XPO6: variants seen among roughly 807,000 people sequenced by gnomAD.
The protein encoded by XPO6 is exportin-6.
In XPO6, 3 loss-of-function variants were observed where a neutral mutation model predicts 130.0. The observed-to-expected ratio is 0.02, with a 90% CI of 0.01 to 0.06. The LOEUF (loss-of-function observed/expected upper bound fraction) is 0.06, where lower values mean the gene tolerates loss of function less well. Ranked by LOEUF, XPO6 falls within the 10% of genes least tolerant of loss-of-function variation. The probability of loss-of-function intolerance (pLI) is 1.00; values close to 1 mark genes in which losing one functional copy is unlikely to be tolerated. For missense variants in XPO6, 970 were observed against 1,393.0 expected (o/e 0.70, Z 4.83); for synonymous variants, 524 against 548.9 (o/e 0.95, Z 0.63).
At chr16:28,154,045 G>A (rs1056385239) in intron 7 of XPO6, 17 of 985,058 alleles carry the variant, frequency 1.7e-5, no homozygotes, top group Non-Finnish European at 2.0e-5. Context: ...CCAAGTACTC[G>A]AAAAACAGTA....
At chr16:28,194,429 C>T (rs1191730598) in intron 1 of XPO6, among the ~76,000 whole-genome samples, 2 of 152,094 alleles carry the variant, frequency 1.3e-5, no homozygotes, top group Non-Finnish European at 2.9e-5. Context: ...TGGGACTAGA[C>T]TCATGATTCT....
chr16:28,167,089 G>T, intron 5 of XPO6: 7 of 961,136 alleles, frequency 7.3e-6, no homozygotes, highest in Non-Finnish European at 8.7e-6. Flanking sequence ...CACTCTCACT[G>T]CTAGAGTGAC....
At chr16:28,181,291 G>A (rs921490151) in intron 1 of XPO6, among the ~76,000 whole-genome samples, 4 of 152,098 alleles carry the variant, frequency 2.6e-5, no homozygotes, top group African/African-American at 7.2e-5. Flanking sequence ...TAAGAAAAGG[G>A]GAAATTCAAA....
intron 14 of XPO6, among the ~76,000 whole-genome samples, chr16:28,120,985 T>G (rs1373142251): frequency 6.6e-6 from 1 of 152,272 alleles, no homozygotes; most frequent in Admixed American, 6.5e-5. Flanking sequence ...AGGCCATAGT[T>G]TGCCAACCCC....
At chr16:28,188,793 A>T (rs1398904374) in intron 1 of XPO6, among the ~76,000 whole-genome samples, 1 of 151,974 alleles carries the variant, frequency 6.6e-6, no homozygotes, top group Non-Finnish European at 1.5e-5. Flanking sequence ...AGGGCGAGTG[A>T]CATCTACCTA....
chr16:28,200,789 A>G (rs2043941966), intron 1 of XPO6, among the ~76,000 whole-genome samples: 1 of 152,182 alleles, frequency 6.6e-6, no homozygotes, highest in South Asian at 2.1e-4. Flanking sequence ...CCTGGGCCTC[A>G]GCGTCCTTAT....
At chr16:28,163,064 C>A (rs1421512564) in intron 6 of XPO6, among the ~76,000 whole-genome samples, 1 of 152,086 alleles carries the variant, frequency 6.6e-6, no homozygotes, top group East Asian at 1.9e-4. Context: ...TCTCCAGTCG[C>A]GTTAACCTAA....
intron 12 of XPO6, among the ~76,000 whole-genome samples, chr16:28,130,738 T>C (rs2042652737): frequency 6.6e-6 from 1 of 152,202 alleles, no homozygotes; most frequent in South Asian, 2.1e-4. Context: ...GTATGCGGTA[T>C]TTCCTATAGG....
intron 1 of XPO6, among the ~76,000 whole-genome samples, chr16:28,189,257 TAAAAAA>T (rs34353034): frequency 7.4e-6 from 1 of 134,602 alleles, no homozygotes; most frequent in African/African-American, 2.8e-5. Context: ...ACACTTCCTT[TAAAAAA>T]AAAAAAAAAA....
chr16:28,180,816 G>GA (rs1462701341), intron 2 of XPO6, 125 bp downstream of exon 2: 2 of 694,396 alleles, frequency 2.9e-6, no homozygotes, highest in East Asian at 6.2e-5. Context: ...GAACCAGAGC[G>GA]AAAAGAGCAA....
At chr16:28,184,627 CAA>C (rs2043666391) in intron 1 of XPO6, among the ~76,000 whole-genome samples, 1 of 150,712 alleles carries the variant, frequency 6.6e-6, no homozygotes, top group South Asian at 2.1e-4. Context: ...CAAAGGACTT[CAA>C]TTTTTTTGGA....
intron 8 of XPO6, 129 bp from the exon 9 acceptor site, chr16:28,146,332 A>C: frequency 2.7e-6 from 2 of 740,612 alleles, no homozygotes; most frequent in Admixed American, 2.6e-5. Context: ...GTTTCCTGGT[A>C]ACCAAAACTG....
chr16:28,198,404 A>T (rs4368163), intron 1 of XPO6, among the ~76,000 whole-genome samples: 38,671 of 151,954 alleles, frequency 0.25, 5,099 homozygotes, highest in Middle Eastern at 0.32. Flanking sequence ...AACTAAGCAA[A>T]ATCAAGAAGT....
Position 28,101,198 on chromosome 16 carries a change from G to A in XPO6, c.3276+260C>T, listed in dbSNP as rs2086648059. The A allele has an allele frequency of 7.2e-6, 4 of 554,914 alleles. No homozygotes were observed. In the Admixed American group the frequency reaches 1.2e-4, roughly 16 times the overall value. The allele number at this position is 554,914 out of a possible 1,614,324, so 34.4% of individuals were successfully genotyped here. A position where few individuals can be genotyped will look rare whatever the true frequency, so the allele number is the denominator to read the frequency against. ...CAAAGATGCCAAGACAAATGGAGGG[G>A]CTGCAGAGCCAGGAACTCGGGACCT... On this transcript the variant is annotated intron_variant, in intron 23 of 23. Transcript: ENST00000304658. The surrounding 1 kb of genome is among the most constrained non-coding windows in gnomAD (Gnocchi z 5.4).
intron 1 of XPO6, among the ~76,000 whole-genome samples, chr16:28,189,287 G>T (rs2043747799): frequency 6.8e-6 from 1 of 146,952 alleles, no homozygotes. Context: ...ACAGCATATT[G>T]AAGTGGAAAT....
chr16:28,121,673 T>C lies in XPO6; in HGVS notation c.1856A>G (p.Asp619Gly), dbSNP rs2087244059. Residue 619 changes from aspartate (D) to glycine (G), a missense_variant, in exon 14 of 24, where the codon GAT (aspartate) becomes GGT (glycine). Around this residue, in one of 4 missense-constraint regions of XPO6, gnomAD observed 936 missense variants for 1,306.8 expected, o/e 0.72. Coordinates refer to ENST00000304658, the MANE Select transcript of XPO6 (RefSeq NM_015171.4). The stretch of plus-strand genomic sequence containing the variant: ...AAACATCAAACTCTAGACTTACACA[T>C]CAATGAGGTCAGGTTTCAATACTGA... ...VPSVLKPDLIDVHAQSLAALQ... is the reference protein window; with the variant it reads ...VPSVLKPDLIGVHAQSLAALQ... 1 of 1,606,024 alleles carries C rather than the reference T, an allele frequency of 6.2e-7. No individual in the cohort carries two copies. Among genetic ancestry groups the C allele is most frequent in the Non-Finnish European group, 8.5e-7 (1 of 1,172,814 alleles).
At chr16:28,134,047 G>T in intron 10 of XPO6, 114 bp from the exon 11 acceptor site, 2 of 995,492 alleles carry the variant, frequency 2.0e-6, no homozygotes, top group Non-Finnish European at 3.0e-6. Context: ...GATGGAACCA[G>T]GTTATCTGGT....
At chr16:28,153,062 T>C in intron 7 of XPO6, 1 of 1,079,464 alleles carries the variant, frequency 9.3e-7, no homozygotes, top group Non-Finnish European at 1.1e-6. Flanking sequence ...ATTTGTGTTG[T>C]GACCCAATTA....
chr16:28,197,698 C>T (rs1003147062), intron 1 of XPO6, among the ~76,000 whole-genome samples: 2 of 151,570 alleles, frequency 1.3e-5, no homozygotes, highest in African/African-American at 4.8e-5. Flanking sequence ...AGGCAGATCA[C>T]GAGGTCAGGA....
Sources: gnomAD v4.1 joint callset for allele counts (sites outside exome capture counted in the v4.1 genomes callset) on GRCh38, gnomAD v4.1.1 for gene constraint, gnomAD v4.1.1 regional missense constraint, Gnocchi (gnomAD v3.1) non-coding constraint, MANE v1.5 for transcripts, NCBI Gene and HGNC (gene_info 2026-07-23, HGNC 2026-07-21) for gene names.